Variants in TFCP2 observed in about 807,000 individuals in gnomAD.
TFCP2 encodes alpha-globin transcription factor CP2.
In TFCP2, 33 loss-of-function variants were observed where a neutral mutation model predicts 73.4. That is an observed-to-expected ratio of 0.45 (90% CI 0.34 to 0.60). TFCP2 has a LOEUF of 0.60. Among genes scored for constraint, TFCP2 ranks in the 20% least tolerant of loss-of-function variants. TFCP2 has a pLI of 0.01. For synonymous variants in TFCP2, 193 were observed against 211.6 expected (o/e 0.91, Z 0.76); for missense variants, 352 against 604.0 (o/e 0.58, Z 4.37).
chr12:51,153,039 C>T (rs1436114571), intron 1 of TFCP2, among the ~76,000 whole-genome samples: 2 of 152,196 alleles, frequency 1.3e-5, no homozygotes. Context: ...GAACTATTTG[C>T]ATTCTTTTTG....
rs554048775 is a variant in TFCP2 at position 51,121,592 on chromosome 12, A to G, written c.123-2820T>C. Among the ~76,000 whole-genome samples, 13 of 151,072 alleles carry G rather than the reference A, an allele frequency of 8.6e-5. No individual in the cohort carries two copies. In the East Asian group the frequency reaches 2.6e-3, roughly 30 times the overall value. ...GTGACTCTCCTGCCTCAGACTCCCAAGTAGCTGGGACTACATGCACACGCC... is the reference window on the plus strand; with the variant it reads ...GTGACTCTCCTGCCTCAGACTCCCAGGTAGCTGGGACTACATGCACACGCC... On this transcript the variant is annotated intron_variant, in intron 1 of 14. Transcript: ENST00000257915.
At position 51,172,219 on chromosome 12, in the gene TFCP2, T is replaced by C. The variant is rs1009885694; in HGVS notation, c.122+82A>G. 128 of 1,567,778 alleles carry C rather than the reference T, an allele frequency of 8.2e-5. 1 individual carries two copies. In the African/African-American group the frequency reaches 1.5e-3, roughly 19 times the overall value. ...ACAGCTTTTTAAAACTCTATACACC[T>C]CCTTCCCACTCAACCCCTTTTCTTA... On this transcript the variant is annotated intron_variant, in intron 1 of 14. Coordinates refer to ENST00000257915, the MANE Select transcript of TFCP2 (RefSeq NM_005653.5).
At chr12:51,153,225 A>T (rs559532087) in intron 1 of TFCP2, among the ~76,000 whole-genome samples, 1 of 152,092 alleles carries the variant, frequency 6.6e-6, no homozygotes, top group Non-Finnish European at 1.5e-5. Context: ...ATTTTTAAAA[A>T]ATTAGCTAGG....
intron 1 of TFCP2, among the ~76,000 whole-genome samples, chr12:51,137,447 T>TG (rs1941086129): frequency 6.6e-6 from 1 of 152,204 alleles, no homozygotes; most frequent in Admixed American, 6.6e-5. Context: ...TGTAAGATAT[T>TG]AAAAGTTTAA....
At chr12:51,161,150 T>C (rs1003891382) in intron 1 of TFCP2, among the ~76,000 whole-genome samples, 1 of 151,818 alleles carries the variant, frequency 6.6e-6, no homozygotes, top group Non-Finnish European at 1.5e-5. Context: ...ACCACAGAGA[T>C]AAAAGAACAG....
chr12:51,121,402 G>C (rs1940668891), intron 1 of TFCP2, among the ~76,000 whole-genome samples: 1 of 150,890 alleles, frequency 6.6e-6, no homozygotes, highest in Non-Finnish European at 1.5e-5. Context: ...CCGGGAGACA[G>C]AGCGAGACTC....
intron 14 of TFCP2, among the ~76,000 whole-genome samples, chr12:51,095,737 T>C (rs533231124): frequency 6.9e-5 from 10 of 145,456 alleles, no homozygotes; most frequent in East Asian, 6.2e-4. Context: ...TCACTTGAAC[T>C]TGGGAAGCGA....
At chr12:51,106,379 C>T (rs1294790246) in intron 8 of TFCP2, 146 bp downstream of exon 8, 2 of 576,634 alleles carry the variant, frequency 3.5e-6, no homozygotes, top group Non-Finnish European at 5.9e-6. Flanking sequence ...TTTGAAGCTA[C>T]TCCAAATCTC....
At chr12:51,162,622 A>G (rs1333015492) in intron 1 of TFCP2, among the ~76,000 whole-genome samples, 1 of 152,118 alleles carries the variant, frequency 6.6e-6, no homozygotes. Context: ...TCAAGTATAC[A>G]ATATATCGTT....
intron 1 of TFCP2, among the ~76,000 whole-genome samples, chr12:51,128,260 G>A (rs554111364): frequency 1.1e-4 from 17 of 152,038 alleles, no homozygotes; most frequent in African/African-American, 2.2e-4. Flanking sequence ...TATATTCCCC[G>A]TACCTTATAC....
chr12:51,125,147 ATTGACATTCT>A, intron 1 of TFCP2: 1 of 734,992 alleles, frequency 1.4e-6, no homozygotes, highest in South Asian at 1.4e-5. Context: ...GCAGTGTGAT[ATTGACATTCT>A]GTAAATCTTT....
chr12:51,148,760 C>T (rs1190128092), intron 1 of TFCP2, among the ~76,000 whole-genome samples: 1 of 150,102 alleles, frequency 6.7e-6, no homozygotes, highest in Admixed American at 6.7e-5. Context: ...TGCAGTGGCT[C>T]ACATCTGTAA....
chr12:51,151,530 G>A (rs373658133), intron 1 of TFCP2, among the ~76,000 whole-genome samples: 1 of 151,800 alleles, frequency 6.6e-6, no homozygotes, highest in African/African-American at 2.4e-5. Flanking sequence ...TCTGCCTCCC[G>A]GGTTCACGCC....
chr12:51,095,782 C>T (rs1327834409), intron 14 of TFCP2, among the ~76,000 whole-genome samples: 3 of 145,500 alleles, frequency 2.1e-5, no homozygotes, highest in African/African-American at 7.6e-5. Context: ...CCACTGCACT[C>T]CAGCCTGGGC....
chr12:51,111,059 A>G, intron 4 of TFCP2, 76 bp from the exon 5 acceptor site: 1 of 1,005,752 alleles, frequency 9.9e-7, no homozygotes, highest in Non-Finnish European at 1.6e-6. Flanking sequence ...TGATTCTTAT[A>G]TTACTCAATG....
At chr12:51,166,379 C>T (rs1941758884) in intron 1 of TFCP2, among the ~76,000 whole-genome samples, 1 of 151,272 alleles carries the variant, frequency 6.6e-6, no homozygotes, top group African/African-American at 2.4e-5. Flanking sequence ...GCCTGGGCAA[C>T]ATAGCATGAC....
chr12:51,150,436 AT>A (rs962659690), intron 1 of TFCP2, among the ~76,000 whole-genome samples: 11 of 152,086 alleles, frequency 7.2e-5, no homozygotes, highest in African/African-American at 1.9e-4. Context: ...AAGAAAAAAA[AT>A]TTTTTTTAAA....
chr12:51,169,932 T>G (rs892485456), intron 1 of TFCP2, among the ~76,000 whole-genome samples: 2 of 152,214 alleles, frequency 1.3e-5, no homozygotes, highest in Admixed American at 1.3e-4. Flanking sequence ...ATCAAGAGCA[T>G]ATGGTATTGC....
chr12:51,167,607 G>A (rs1274509265), intron 1 of TFCP2, among the ~76,000 whole-genome samples: 1 of 151,924 alleles, frequency 6.6e-6, no homozygotes, highest in Non-Finnish European at 1.5e-5. Flanking sequence ...TGGCCAGGCT[G>A]GTCTTGAACT....
Sources: gnomAD v4.1 joint callset for allele counts (sites outside exome capture counted in the v4.1 genomes callset) on GRCh38, gnomAD v4.1.1 for gene constraint, MANE v1.5 for transcripts, NCBI Gene and HGNC (gene_info 2026-07-23, HGNC 2026-07-21) for gene names.